GPHN: variants seen among roughly 807,000 people sequenced by gnomAD.
The protein encoded by GPHN is gephyrin.
A neutral mutation model predicts 95.5 loss-of-function variants in GPHN; 17 were observed. The ratio of observed to expected loss-of-function variants is 0.18; its 90% CI spans 0.12 to 0.27. GPHN has a LOEUF of 0.27. Ranked by LOEUF, GPHN falls within the 10% of genes least tolerant of loss-of-function variation. The pLI, the probability that GPHN is intolerant of heterozygous loss-of-function variation, is 1.00. For synonymous variants in GPHN, 320 were observed against 322.5 expected (o/e 0.99, Z 0.08); for missense variants, 660 against 978.1 (o/e 0.67, Z 4.34).
At chr14:67,128,445 A>G (rs1244063939) in intron 17 of GPHN, among the ~76,000 whole-genome samples, 1 of 152,146 alleles carries the variant, frequency 6.6e-6, no homozygotes, top group African/African-American at 2.4e-5. Context: ...TTTTCCCAAA[A>G]TACATTTTAT....
the GPHN span, among the ~76,000 whole-genome samples, chr14:67,577,135 GC>G: frequency 6.6e-6 from 1 of 152,160 alleles, no homozygotes; most frequent in Non-Finnish European, 1.5e-5. Flanking sequence ...TCATTGCAGT[GC>G]CCACCTGTAC....
At chr14:67,378,547 C>A in the GPHN span, among the ~76,000 whole-genome samples, 3 of 152,168 alleles carry the variant, frequency 2.0e-5, no homozygotes, top group Non-Finnish European at 4.4e-5. Flanking sequence ...CTGGCTCCAT[C>A]CAGAGTTTGC....
At chr14:67,165,988 T>G (rs866452059) in intron 20 of GPHN, among the ~76,000 whole-genome samples, 3 of 152,250 alleles carry the variant, frequency 2.0e-5, no homozygotes, top group African/African-American at 7.2e-5. Flanking sequence ...CTGATCATTC[T>G]GTTCAGTTCT....
intron 1 of GPHN, among the ~76,000 whole-genome samples, chr14:66,578,260 C>G (rs2060988207): frequency 6.6e-6 from 1 of 151,098 alleles, no homozygotes; most frequent in African/African-American, 2.4e-5. Flanking sequence ...TTAGAAATTA[C>G]CCAGTCAGAA....
the GPHN span, among the ~76,000 whole-genome samples, chr14:67,416,119 C>T: frequency 1.3e-5 from 2 of 152,306 alleles, no homozygotes; most frequent in Admixed American, 6.5e-5. Context: ...CGCACATGTA[C>T]CTTGAAACTT....
chr14:67,721,267 G>C, the GPHN span, among the ~76,000 whole-genome samples: 183 of 152,190 alleles, frequency 1.2e-3, no homozygotes, highest in Middle Eastern at 3.4e-3. Flanking sequence ...AGCGAGGAAG[G>C]GCAATGAATC....
chr14:66,629,517 A>T (rs1489799354), intron 1 of GPHN, among the ~76,000 whole-genome samples: 2 of 151,992 alleles, frequency 1.3e-5, no homozygotes, highest in African/African-American at 4.8e-5. Flanking sequence ...ACTTTTTTTT[A>T]ATAAGTAGGG....
intron 16 of GPHN, among the ~76,000 whole-genome samples, chr14:67,119,150 TC>T (rs2078867874): frequency 6.6e-6 from 1 of 152,204 alleles, no homozygotes; most frequent in Non-Finnish European, 1.5e-5. Context: ...AAACAAGTTG[TC>T]CATGATCTTA....
the GPHN span, among the ~76,000 whole-genome samples, chr14:67,718,817 C>T: frequency 6.6e-6 from 1 of 152,082 alleles, no homozygotes; most frequent in East Asian, 1.9e-4. Context: ...TGCTTATGTG[C>T]CAAAGCATGT....
intron 9 of GPHN, among the ~76,000 whole-genome samples, chr14:67,018,830 A>G (rs2073448203): frequency 6.6e-6 from 1 of 151,976 alleles, no homozygotes; most frequent in African/African-American, 2.4e-5. Context: ...CACAATCTTT[A>G]TTTTTTTTCT....
chr14:67,155,208 A>T lies in GPHN; in HGVS notation c.1837-4207A>T, dbSNP rs575027054. 6.5e-4 allele frequency among the ~76,000 whole-genome samples: 99 copies of T among 152,364 alleles called. 1 individual carries two copies. The Middle Eastern group carries it at 0.014, about 21-fold the overall frequency. Reference sequence around the variant, plus strand: ...CTTTAGGAATAAAGACAATCTGCAGATAAACTAGCCTTCACACGGACTGAA... The same window carrying T: ...CTTTAGGAATAAAGACAATCTGCAGTTAAACTAGCCTTCACACGGACTGAA... On this transcript the variant is annotated intron_variant, in intron 18 of 22. Coordinates refer to ENST00000478722, the MANE Select transcript of GPHN (RefSeq NM_020806.5).
In GPHN at chr14:66,783,543, C is replaced by T. The variant is rs151268196; in HGVS notation, c.201+7022C>T. Reference sequence around the variant, plus strand: ...AGTAGAGCTAGTTACCACTATTTCACCTTTCCTTTCCCACGTAAGTGAGGC... The same window carrying T: ...AGTAGAGCTAGTTACCACTATTTCATCTTTCCTTTCCCACGTAAGTGAGGC... On this transcript the variant is annotated intron_variant, in intron 3 of 22. Transcript: ENST00000478722. 3.9e-5 allele frequency among the ~76,000 whole-genome samples: 6 copies of T among 152,250 alleles called. No individual in the cohort carries two copies. The East Asian group carries it at 7.7e-4, about 20-fold the overall frequency.
the GPHN span, chr14:67,727,449 G>A: frequency 2.4e-6 from 1 of 423,156 alleles, no homozygotes; most frequent in Non-Finnish European, 4.4e-6. Context: ...TTTCACAGTA[G>A]CTTTTTGCAA....
intron 1 of GPHN, among the ~76,000 whole-genome samples, chr14:66,675,224 A>C (rs1293371121): frequency 1.3e-5 from 2 of 149,932 alleles, no homozygotes; most frequent in African/African-American, 5.0e-5. Flanking sequence ...GCTCACTGCA[A>C]CCTCTGCCTC....
At chr14:67,691,243 C>T in the GPHN span, 1 of 1,611,466 alleles carries the variant, frequency 6.2e-7, no homozygotes, top group Non-Finnish European at 8.5e-7. Context: ...GGTGCTTTTC[C>T]TCTGCAGGGA....
At chr14:66,727,854 A>G (rs771459494) in intron 2 of GPHN, among the ~76,000 whole-genome samples, 4 of 152,338 alleles carry the variant, frequency 2.6e-5, no homozygotes, top group Admixed American at 6.5e-5. Context: ...AGATACATGC[A>G]TAAGTAATAA....
At chr14:66,926,094 G>C (rs1028761396) in intron 8 of GPHN, among the ~76,000 whole-genome samples, 12 of 152,132 alleles carry the variant, frequency 7.9e-5, no homozygotes, top group Admixed American at 7.2e-4. Flanking sequence ...TTTTAAATTA[G>C]ATTGTTTTAT....
intron 1 of GPHN, among the ~76,000 whole-genome samples, chr14:66,562,868 T>A (rs79720254): frequency 0.013 from 2,019 of 151,508 alleles, 21 homozygotes; most frequent in Middle Eastern, 0.02. Context: ...TTTGTGTCTG[T>A]GTGTGTGTGT....
intron 8 of GPHN, among the ~76,000 whole-genome samples, chr14:66,955,896 T>C (rs1447012851): frequency 6.6e-6 from 1 of 152,196 alleles, no homozygotes; most frequent in Non-Finnish European, 1.5e-5. Flanking sequence ...ATCCTTTTTT[T>C]ATGGCTGCAT....
Sources: allele counts gnomAD v4.1 joint callset (sites outside exome capture counted in the v4.1 genomes callset), GRCh38; gene constraint gnomAD v4.1.1; transcripts MANE v1.5; gene names NCBI Gene and HGNC (gene_info 2026-07-23, HGNC 2026-07-21).